Variants in RYR3 observed in about 807,000 individuals in gnomAD.
The protein encoded by RYR3 is brain ryanodine receptor-calcium release channel.
RYR3 carries 207 observed loss-of-function variants against 584.3 expected under a neutral mutation model. The ratio of observed to expected loss-of-function variants is 0.35; its 90% confidence interval spans 0.32 to 0.40. The LOEUF is 0.40. RYR3 is among the 10% of genes least tolerant of loss of function. RYR3 has a pLI of 1.00. For synonymous variants in RYR3, 2,416 were observed against 2,248.5 expected (o/e 1.07, Z -2.11); for missense variants, 5,616 against 6,089.2 (o/e 0.92, Z 2.59).
intron 38 of RYR3, among the ~76,000 whole-genome samples, chr15:33,685,509 A>AC (rs2064936371): frequency 6.6e-6 from 1 of 152,154 alleles, no homozygotes; most frequent in Non-Finnish European, 1.5e-5. Flanking sequence ...AGACTTTAAC[A>AC]CCCCACTGTC....
intron 1 of RYR3, among the ~76,000 whole-genome samples, chr15:33,333,783 A>G (rs189280117): frequency 6.6e-6 from 1 of 152,330 alleles, no homozygotes; most frequent in Non-Finnish European, 1.5e-5. Context: ...ATGTTCCTAT[A>G]TCTAGAAAAC....
Position 33,826,256 on chromosome 15 carries a change from T to C in RYR3, c.11151T>C (p.Ile3717=), listed in dbSNP as rs1252409873. The C allele has an allele frequency of 6.2e-7, 1 of 1,613,768 alleles. No homozygotes were observed. The highest frequency in any genetic ancestry group is 2.2e-5 in the East Asian group (1 of 44,894). Residue 3717 remains isoleucine (I), a synonymous_variant, in exon 83 of 104, where the codon ATT becomes ATC. Transcript: ENST00000634891. ...CTGTTTTTCTCTCATTACCAGTCAT[T>C]GTTCGGGAACGTGGTAAGTTTCAGT... ...LGMVTEEGTL[I]VRERGEKVLQ... is the part of the protein sequence containing the mutation.
chr15:33,819,985 C>T (rs2077027457), intron 77 of RYR3, among the ~76,000 whole-genome samples, 178 bp downstream of exon 77: 2 of 152,166 alleles, frequency 1.3e-5, no homozygotes, highest in Non-Finnish European at 2.9e-5. Context: ...TCACCGTCTT[C>T]CTAAGGAAAC....
chr15:33,459,036 G>A (rs2047798733), intron 1 of RYR3, among the ~76,000 whole-genome samples: 1 of 152,180 alleles, frequency 6.6e-6, no homozygotes, highest in Non-Finnish European at 1.5e-5. Context: ...AGTCAATGGA[G>A]GAGTCCTCCA....
At chr15:33,382,810 G>A (rs1595913963) in intron 1 of RYR3, among the ~76,000 whole-genome samples, 1 of 152,090 alleles carries the variant, frequency 6.6e-6, no homozygotes, top group East Asian at 1.9e-4. Context: ...AATAGTAGGA[G>A]CCCTGGGGGC....
At chr15:33,616,393 A>G (rs779483525) in intron 19 of RYR3, among the ~76,000 whole-genome samples, 11 of 152,230 alleles carry the variant, frequency 7.2e-5, no homozygotes, top group Admixed American at 2.0e-4. Context: ...TTTTTTTGGA[A>G]TCCTCTTGAC....
chr15:33,859,283 C>G (rs886498761), intron 99 of RYR3, among the ~76,000 whole-genome samples: 3 of 152,212 alleles, frequency 2.0e-5, no homozygotes, highest in African/African-American at 7.2e-5. Flanking sequence ...ATGGCATAGG[C>G]CATACTCATC....
intron 2 of RYR3, among the ~76,000 whole-genome samples, chr15:33,496,006 C>T (rs1010223916): frequency 2.6e-5 from 4 of 152,258 alleles, no homozygotes; most frequent in East Asian, 3.9e-4. Flanking sequence ...CTACACACAC[C>T]GTCTCCACCT....
chr15:33,444,619 G>A (rs1567250065), intron 1 of RYR3, among the ~76,000 whole-genome samples: 1 of 152,166 alleles, frequency 6.6e-6, no homozygotes, highest in African/African-American at 2.4e-5. Flanking sequence ...TATTAGCAAT[G>A]GTGTGAGGAA....
rs193170824 is a variant in RYR3, at chr15:33,407,860, C to T, written c.52-65559C>T. ...TTATTAAGGTTAGTTAACATGTGAG[C>T]ATTTCCTGTGGCATGTATATATTAC... On this transcript the variant is annotated intron_variant, in intron 1 of 103. Coordinates refer to ENST00000634891, the MANE Select transcript of RYR3 (RefSeq NM_001036.6). 4.6e-3 allele frequency among the ~76,000 whole-genome samples: 697 copies of T among 152,228 alleles called. 5 individuals are homozygous for T. The highest frequency in any genetic ancestry group is 0.016 in the African/African-American group (662 of 41,532).
At chr15:33,755,018 C>T (rs1164943780) in intron 57 of RYR3, 47 bp from the exon 58 acceptor site, 1 of 1,036,378 alleles carries the variant, frequency 9.6e-7, no homozygotes, top group Admixed American at 1.8e-5. Flanking sequence ...ACCTGAGTGA[C>T]ATGGTTGTCT....
intron 3 of RYR3, among the ~76,000 whole-genome samples, chr15:33,504,596 T>A (rs1257289703): frequency 6.6e-6 from 1 of 152,166 alleles, no homozygotes; most frequent in African/African-American, 2.4e-5. Context: ...AAAATGCAAA[T>A]ACAATTATTA....
intron 52 of RYR3, among the ~76,000 whole-genome samples, 167 bp from the exon 53 acceptor site, chr15:33,745,901 A>T (rs571900087): frequency 6.6e-6 from 1 of 152,370 alleles, no homozygotes; most frequent in Admixed American, 6.5e-5. Context: ...CAGGAGGCGG[A>T]GAGCCTGATG....
chr15:33,753,929 A>AGATACAG (rs1354219651), intron 57 of RYR3, among the ~76,000 whole-genome samples: 2 of 152,154 alleles, frequency 1.3e-5, no homozygotes, highest in Non-Finnish European at 2.9e-5. Flanking sequence ...TCAAGAAGAA[A>AGATACAG]GATACAGGAG....
chr15:33,417,819 T>C (rs2141569781), intron 1 of RYR3, among the ~76,000 whole-genome samples: 1 of 152,300 alleles, frequency 6.6e-6, no homozygotes, highest in South Asian at 2.1e-4. Context: ...TGGCTGTGAG[T>C]TCATCATAGA....
At chr15:33,358,443 G>A (rs1415604799) in intron 1 of RYR3, among the ~76,000 whole-genome samples, 1 of 152,094 alleles carries the variant, frequency 6.6e-6, no homozygotes, top group African/African-American at 2.4e-5. Context: ...CCATAAAGAG[G>A]GGAATTTAGA....
At chr15:33,565,899 C>T (rs2057688322) in intron 11 of RYR3, among the ~76,000 whole-genome samples, 1 of 152,196 alleles carries the variant, frequency 6.6e-6, no homozygotes, top group Non-Finnish European at 1.5e-5. Flanking sequence ...GATCCAAGAT[C>T]AGTACTATAC....
In RYR3 at chr15:33,818,592, G is replaced by C; in HGVS notation, c.10614G>C (p.Val3538=). ...LVQDLAKSPK[V]EEEEEEETEK... ...GGTTTGTGTAGAAATCTCCAAAGGT[G>C]GAAGAGGAGGAGGAGGAAGAGACAG... The change falls in exon 76 of 104, where the codon GTG becomes GTC. Residue 3538 remains valine (V), a synonymous_variant. Coordinates refer to ENST00000634891, the MANE Select transcript of RYR3 (RefSeq NM_001036.6). 2 of 1,613,318 alleles carry C rather than the reference G, an allele frequency of 1.2e-6. No individual in the cohort carries two copies. The highest frequency in any genetic ancestry group is 1.7e-6 in the Non-Finnish European group (2 of 1,179,342).
At chr15:33,822,270 C>T (rs576850012) in intron 80 of RYR3, among the ~76,000 whole-genome samples, 5 of 152,144 alleles carry the variant, frequency 3.3e-5, no homozygotes, top group African/African-American at 7.2e-5. Flanking sequence ...TCAGGCACTC[C>T]GGGTTCTGGT....
Sources: allele counts gnomAD v4.1 joint callset (sites outside exome capture counted in the v4.1 genomes callset), GRCh38; gene constraint gnomAD v4.1.1; transcripts MANE v1.5; gene names NCBI Gene and HGNC (gene_info 2026-07-23, HGNC 2026-07-21).